The following DSCAM variants were observed in gnomAD, a reference collection of about 807,000 sequenced individuals.
DSCAM encodes the protein DS cell adhesion molecule.
DSCAM carries 47 observed loss-of-function variants against 217.7 expected under a neutral mutation model. That is an observed-to-expected ratio of 0.22 (90% CI 0.17 to 0.28). The LOEUF (loss-of-function observed/expected upper bound fraction) is 0.28, where lower values mean the gene tolerates loss of function less well. Among genes scored for constraint, DSCAM ranks in the 10% least tolerant of loss-of-function variants. The pLI, the probability that DSCAM is intolerant of heterozygous loss-of-function variation, is 1.00. For missense variants in DSCAM, 2,080 were observed against 2,618.3 expected (o/e 0.79, Z 4.49); for synonymous variants, 1,056 against 1,015.3 (o/e 1.04, Z -0.76).
intron 4 of DSCAM, among the ~76,000 whole-genome samples, chr21:40,357,519 T>C (rs2074706949): frequency 6.6e-6 from 1 of 152,232 alleles, no homozygotes; most frequent in Non-Finnish European, 1.5e-5. Flanking sequence ...TGGGATTTTT[T>C]AATTCCTAGT....
At chr21:40,595,397 GAGGA>G (rs776842333) in intron 3 of DSCAM, among the ~76,000 whole-genome samples, 5 of 151,464 alleles carry the variant, frequency 3.3e-5, no homozygotes, top group Non-Finnish European at 7.4e-5. Flanking sequence ...GAAAAGAAAA[GAGGA>G]AGGAAGGAAG....
intron 19 of DSCAM, among the ~76,000 whole-genome samples, chr21:40,128,699 CAAAA>C (rs527919207): frequency 2.2e-5 from 2 of 89,044 alleles, no homozygotes; most frequent in African/African-American, 3.7e-5. Context: ...CATAACCAAA[CAAAA>C]AAAAAAAAAA....
intron 15 of DSCAM, among the ~76,000 whole-genome samples, chr21:40,171,787 TCTGTATAACTC>T (rs1235432758): frequency 6.6e-6 from 1 of 152,178 alleles, no homozygotes; most frequent in African/African-American, 2.4e-5. Context: ...TTTATTGCTT[TCTGTATAACTC>T]CTGAGCTGTA....
At chr21:40,374,712 G>T (rs547542697) in intron 3 of DSCAM, among the ~76,000 whole-genome samples, 1 of 152,224 alleles carries the variant, frequency 6.6e-6, no homozygotes, top group African/African-American at 2.4e-5. Flanking sequence ...CTTTTGGGAA[G>T]TAATTAGGTA....
chr21:40,566,714 A>C (rs1359825416), intron 3 of DSCAM, among the ~76,000 whole-genome samples: 4 of 152,184 alleles, frequency 2.6e-5, no homozygotes, highest in Non-Finnish European at 5.9e-5. Flanking sequence ...TTTGAAAAAA[A>C]GTCTGCTAGG....
At chr21:40,401,696 T>C (rs2075235147) in intron 3 of DSCAM, among the ~76,000 whole-genome samples, 1 of 152,166 alleles carries the variant, frequency 6.6e-6, no homozygotes, top group Admixed American at 6.5e-5. Flanking sequence ...TAATCATATG[T>C]TACAAAGGAT....
chr21:40,363,822 C>A (rs1339437054), intron 4 of DSCAM, among the ~76,000 whole-genome samples: 1 of 152,114 alleles, frequency 6.6e-6, no homozygotes, highest in Non-Finnish European at 1.5e-5. Flanking sequence ...TGAACTCAAA[C>A]AAATTTACAA....
At chr21:40,834,153 T>G (rs971916424) in intron 1 of DSCAM, among the ~76,000 whole-genome samples, 10 of 151,952 alleles carry the variant, frequency 6.6e-5, no homozygotes, top group African/African-American at 2.4e-4. Flanking sequence ...CCTAAAATAA[T>G]AGTTGCCCAG....
chr21:40,465,229 A>T lies in DSCAM; in HGVS notation c.509-95984T>A, dbSNP rs200319437. Among the ~76,000 whole-genome samples the T allele has an allele frequency of 4.2e-4, 64 of 152,058 alleles. No homozygotes were observed. In the East Asian group the frequency reaches 7.6e-3, roughly 18 times the overall value. On this transcript the variant is annotated intron_variant, in intron 3 of 32. Coordinates refer to ENST00000400454, the MANE Select transcript of DSCAM (RefSeq NM_001389.5). The stretch of plus-strand genomic sequence containing the variant: ...CTATCCTTCTACTACTTGGCTTGGG[A>T]TGTGTTGTCCTTTTGCTGCACGAAA...
intron 3 of DSCAM, among the ~76,000 whole-genome samples, chr21:40,413,943 A>G (rs1165978883): frequency 1.3e-5 from 2 of 152,210 alleles, no homozygotes; most frequent in African/African-American, 4.8e-5. Context: ...AATGGACCTC[A>G]ATTATTGCTT....
chr21:40,691,169 T>C (rs546889230), intron 3 of DSCAM, among the ~76,000 whole-genome samples: 6 of 152,346 alleles, frequency 3.9e-5, no homozygotes, highest in African/African-American at 1.4e-4. Flanking sequence ...ACATGCCCCA[T>C]TGAGGTCAGG....
chr21:40,549,465 C>T (rs1005354352), intron 3 of DSCAM, among the ~76,000 whole-genome samples: 36 of 152,248 alleles, frequency 2.4e-4, no homozygotes, highest in Admixed American at 3.9e-4. Context: ...CAGCTGAGAA[C>T]GGTAAGCAGT....
chr21:40,471,032 TCTAGCC>T (rs1413062747), intron 3 of DSCAM, among the ~76,000 whole-genome samples: 1 of 152,228 alleles, frequency 6.6e-6, no homozygotes, highest in Non-Finnish European at 1.5e-5. Context: ...TTCCATTTTC[TCTAGCC>T]ATTTCTTTAC....
chr21:40,629,273 C>A (rs2837757), intron 3 of DSCAM, among the ~76,000 whole-genome samples: 3 of 152,032 alleles, frequency 2.0e-5, no homozygotes, highest in African/African-American at 7.2e-5. Flanking sequence ...TACATTTCTT[C>A]GAACCCTTTA....
chr21:40,104,578 G>C (rs2089794767), intron 20 of DSCAM, among the ~76,000 whole-genome samples: 1 of 152,148 alleles, frequency 6.6e-6, no homozygotes, highest in South Asian at 2.1e-4. Flanking sequence ...GGAGCACAGA[G>C]GGTTTTCAGG....
At chr21:40,521,610 T>C (rs1041869400) in intron 3 of DSCAM, among the ~76,000 whole-genome samples, 2 of 151,898 alleles carry the variant, frequency 1.3e-5, no homozygotes, top group Non-Finnish European at 2.9e-5. Context: ...GAGTTCCTTA[T>C]GTATTCTGAA....
At chr21:40,239,161 C>T (rs1014367583) in intron 11 of DSCAM, among the ~76,000 whole-genome samples, 13 of 152,062 alleles carry the variant, frequency 8.5e-5, no homozygotes, top group Admixed American at 2.0e-4. Context: ...GAATGCACAG[C>T]GTTTCAGGAT....
intron 3 of DSCAM, among the ~76,000 whole-genome samples, chr21:40,403,652 C>T (rs2075257611): frequency 6.6e-6 from 1 of 151,666 alleles, no homozygotes; most frequent in African/African-American, 2.4e-5. Context: ...CACACACACA[C>T]ACACACACAC....
At chr21:40,680,543 A>T (rs1399133525) in intron 3 of DSCAM, among the ~76,000 whole-genome samples, 1 of 128,594 alleles carries the variant, frequency 7.8e-6, no homozygotes, top group Non-Finnish European at 1.7e-5. Context: ...AAGAGCACAC[A>T]GGATCTGTGT....
Sources: allele counts gnomAD v4.1 joint callset (sites outside exome capture counted in the v4.1 genomes callset), GRCh38; gene constraint gnomAD v4.1.1; transcripts MANE v1.5; gene names NCBI Gene and HGNC (gene_info 2026-07-23, HGNC 2026-07-21).